Variants in NPC1 observed in about 807,000 individuals in gnomAD.
NPC1 encodes the protein Niemann-Pick C1 protein.
Under a neutral mutation model 140.4 loss-of-function variants are expected in NPC1, and 85 were observed. That is an observed-to-expected ratio of 0.61 (90% confidence interval 0.51 to 0.72). NPC1 has a LOEUF of 0.72. NPC1 is among the 30% of genes least tolerant of loss of function. The probability of loss-of-function intolerance (pLI) is 0.00; values close to 1 mark genes in which losing one functional copy is unlikely to be tolerated. For missense variants in NPC1, 1,504 were observed against 1,623.8 expected (o/e 0.93, Z 1.27); for synonymous variants, 656 against 624.8 (o/e 1.05, Z -0.74).
chr18:23,563,055 C>A (rs1417953482), intron 4 of NPC1, among the ~76,000 whole-genome samples: 1 of 152,128 alleles, frequency 6.6e-6, no homozygotes, highest in African/African-American at 2.4e-5. Flanking sequence ...TCCCTAAGCC[C>A]TAAGCAACCA....
At chr18:23,572,840 T>A (rs1212418996) in intron 2 of NPC1, among the ~76,000 whole-genome samples, 1 of 152,150 alleles carries the variant, frequency 6.6e-6, no homozygotes, top group African/African-American at 2.4e-5. Flanking sequence ...GCTCCTTCTG[T>A]CTCAAAAACA....
chr18:23,581,939 G>A (rs2059361090), intron 1 of NPC1: 1 of 152,172 alleles, frequency 6.6e-6, no homozygotes. Context: ...GACAGTGATA[G>A]TAATTATGAA....
chr18:23,535,620 A>G lies in NPC1; in HGVS notation c.3326T>C (p.Ile1109Thr). The G allele has an allele frequency of 6.2e-7, 1 of 1,614,162 alleles. No individual in the cohort carries two copies. The highest frequency in any genetic ancestry group is 8.5e-7 in the Non-Finnish European group (1 of 1,180,018). Residue 1109 changes from isoleucine (I) to threonine (T), a missense_variant, in exon 22 of 25, where the codon ATA becomes ACA. Ile to Thr is a moderately conservative substitution (Grantham distance 89, BLOSUM62 -1). Transcript: ENST00000269228. Reference protein sequence around the residue: ...IFNLGVSLGAIFLVTMVLLGC... With the variant: ...IFNLGVSLGATFLVTMVLLGC... ...CAGGAGGACCATGGTCACCAGAAAT[A>G]TCGCGCCCAGGGACACACCGAGGTT...
chr18:23,507,027 G>A, intron 3 of NPC1: 1 of 1,609,128 alleles, frequency 6.2e-7, no homozygotes, highest in Non-Finnish European at 8.5e-7. Flanking sequence ...ATAAGATATT[G>A]GCTGTTCAGA....
downstream of NPC1, chr18:23,531,411 T>C (rs2058500669): frequency 1.0e-6 from 1 of 965,202 alleles, no homozygotes; most frequent in Non-Finnish European, 1.4e-6. Flanking sequence ...TAAGACGGCA[T>C]TTAGTTACCA....
chr18:23,565,664 G>C (rs1598995804), intron 4 of NPC1, among the ~76,000 whole-genome samples: 2 of 148,858 alleles, frequency 1.3e-5, no homozygotes, highest in South Asian at 4.2e-4. Context: ...GTTCTTTAAA[G>C]TGTTTTGCCT....
intron 6 of NPC1, among the ~76,000 whole-genome samples, chr18:23,557,530 CG>C (rs2058972299): frequency 6.6e-6 from 1 of 152,150 alleles, no homozygotes; most frequent in Admixed American, 6.5e-5. Flanking sequence ...CCAAGGTGGG[CG>C]GGATCACGAG....
chr18:23,550,304 G>A (rs1259062872), intron 10 of NPC1, among the ~76,000 whole-genome samples: 5 of 151,396 alleles, frequency 3.3e-5, no homozygotes, highest in African/African-American at 7.3e-5. Flanking sequence ...AATAACTCTC[G>A]GCCCAGTTTT....
Position 23,586,298 on chromosome 18 carries a change from A to T in NPC1, c.46T>A (p.Cys16Ser). The stretch of plus-strand genomic sequence containing the variant: ...CGGCGACCGCTCACCTGCGCTGGAC[A>T]CAGTAGCAGCAGGAGGAGGCCAAGG... Reference protein sequence around the residue: ...LALGLLLLLLCPAQVFSQSCV... With the variant: ...LALGLLLLLLSPAQVFSQSCV... The change falls in exon 1 of 25, where the codon TGT becomes AGT. Residue 16 changes from cysteine (C) to serine (S), a missense_variant. By Grantham distance (112) the Cys-to-Ser change is moderately radical. Transcript: ENST00000269228. 1 of 1,533,780 alleles carries T rather than the reference A, an allele frequency of 6.5e-7. No homozygotes were observed. The highest frequency in any genetic ancestry group is 8.7e-7 in the Non-Finnish European group (1 of 1,146,200).
intron 10 of NPC1, among the ~76,000 whole-genome samples, chr18:23,551,391 C>T (rs1388939747): frequency 6.6e-6 from 1 of 152,164 alleles, no homozygotes; most frequent in African/African-American, 2.4e-5. Flanking sequence ...GGTACTTAGC[C>T]TTCGACAGCT....
chr18:23,578,546 C>T (rs2059319965), intron 1 of NPC1, among the ~76,000 whole-genome samples: 1 of 152,184 alleles, frequency 6.6e-6, no homozygotes, highest in African/African-American at 2.4e-5. Flanking sequence ...CCCAGGCCTG[C>T]CTCTGCAGCT....
At chr18:23,527,927 G>T (rs370745743), downstream of NPC1, 3 of 1,541,334 alleles carry the variant, frequency 1.9e-6, no homozygotes, top group East Asian at 2.3e-5. Flanking sequence ...TATGACAAAG[G>T]GTCCTCCTCC....
intron 13 of NPC1, among the ~76,000 whole-genome samples, chr18:23,544,110 G>A (rs1045173237): frequency 6.6e-6 from 1 of 152,064 alleles, no homozygotes; most frequent in Admixed American, 6.5e-5. Context: ...ACTATTTAAA[G>A]ATACAATTTA....
chr18:23,582,760 G>A (rs9954216), intron 1 of NPC1, among the ~76,000 whole-genome samples: 2,202 of 149,934 alleles, frequency 0.015, 44 homozygotes, highest in African/African-American at 0.052. Context: ...AGCCAAGATC[G>A]TGCCACTGCG....
At chr18:23,523,018 C>T (rs1471190428) in intron 1 of NPC1, 4 of 152,244 alleles carry the variant, frequency 2.6e-5, no homozygotes, top group Non-Finnish European at 5.9e-5. Flanking sequence ...TTAGGATCAT[C>T]TGGGGGGCCT....
chr18:23,555,032 T>C (rs777045014), intron 8 of NPC1, 48 bp from the exon 9 acceptor site: 4 of 1,193,046 alleles, frequency 3.4e-6, no homozygotes, highest in Non-Finnish European at 5.0e-6. Context: ...ACGTCACATT[T>C]CTCTCAGATC....
chr18:23,535,550 G>A lies in NPC1; in HGVS notation c.3396C>T (p.Ala1132=), dbSNP rs145740512. The part of the protein sequence containing the change: ...WSAVIMCATI[A]MVLVNMFGVM... ...CTCCAAACATGTTGACCAAGACCAT[G>A]GCGATGGTGGCACACATGATGACTG... The change falls in exon 22 of 25, where the codon GCC becomes GCT. Residue 1132 remains alanine (A), a synonymous_variant. Transcript: ENST00000269228. 6.2e-7 allele frequency: 1 copy of A among 1,613,992 alleles called. No individual in the cohort carries two copies. Among genetic ancestry groups the A allele is most frequent in the African/African-American group, 1.3e-5 (1 of 74,910 alleles).
rs1369689657 is a variant in NPC1 at position 23,531,783 on chromosome 18, T to A, written c.*419A>T. On this transcript the variant is annotated 3_prime_UTR_variant, in exon 25 of 25. Coordinates refer to ENST00000269228, the MANE Select transcript of NPC1 (RefSeq NM_000271.5). ...TAATAAAGCTCTTTAAACTATAAAA[T>A]GTTATAAAGTGTATCTACAACCTCA... The A allele has an allele frequency of 1.3e-6, 2 of 1,553,796 alleles. No individual in the cohort carries two copies. Among genetic ancestry groups the A allele is most frequent in the East Asian group, 4.5e-5 (2 of 44,024 alleles).
At chr18:23,513,359 C>T (rs2057914654) in intron 3 of NPC1, among the ~76,000 whole-genome samples, 1 of 152,218 alleles carries the variant, frequency 6.6e-6, no homozygotes, top group Admixed American at 6.5e-5. Flanking sequence ...TTCCCCCATG[C>T]CATAGCATGT....
Sources: allele counts gnomAD v4.1 joint callset (sites outside exome capture counted in the v4.1 genomes callset), GRCh38; gene constraint gnomAD v4.1.1; transcripts MANE v1.5; gene names NCBI Gene and HGNC (gene_info 2026-07-23, HGNC 2026-07-21).